The following HK2 variants were observed in gnomAD, a reference collection of about 807,000 sequenced individuals.
HK2 encodes hexokinase-2.
HK2 carries 42 observed loss-of-function variants against 92.9 expected under a neutral mutation model. That is an observed-to-expected ratio of 0.45 (90% CI 0.35 to 0.58). The LOEUF is 0.58. Ranked by LOEUF, HK2 falls within the 20% of genes least tolerant of loss-of-function variation. The pLI is 0.00. For synonymous variants in HK2, 422 were observed against 468.0 expected (o/e 0.90, Z 1.27); for missense variants, 978 against 1,245.1 (o/e 0.79, Z 3.23).
intron 7 of HK2, among the ~76,000 whole-genome samples, chr2:74,875,326 C>CTT (rs1689200062): frequency 9.9e-6 from 1 of 100,600 alleles, no homozygotes; most frequent in African/African-American, 3.9e-5. Context: ...TCCTTGCTTT[C>CTT]GTTTTTTTTT....
At chr2:74,864,865 C>T (rs567162066) in intron 2 of HK2, among the ~76,000 whole-genome samples, 4 of 152,308 alleles carry the variant, frequency 2.6e-5, no homozygotes, top group South Asian at 2.1e-4. Context: ...GCATCACAAC[C>T]GCTGGGAGAT....
rs562137282 is a variant in HK2 at position 74,853,874 on chromosome 2, C to T, written c.64-419C>T. Among the ~76,000 whole-genome samples, 22 of 151,970 alleles carry T rather than the reference C, an allele frequency of 1.4e-4. 1 individual carries two copies. The East Asian group carries it at 2.5e-3, about 17-fold the overall frequency. On this transcript the variant is annotated intron_variant, in intron 1 of 17. Coordinates refer to ENST00000290573, the MANE Select transcript of HK2 (RefSeq NM_000189.5). ...AGCGGAACTGGGGATTGTAGGCGTC[C>T]GGGAAAAAGGTGATGGCTACCTGGC... is the stretch of plus-strand genomic sequence containing the variant.
At chr2:74,860,845 A>T (rs1359329623) in intron 2 of HK2, among the ~76,000 whole-genome samples, 1 of 152,122 alleles carries the variant, frequency 6.6e-6, no homozygotes, top group Admixed American at 6.6e-5. Context: ...AACCATTTAT[A>T]CTCCCACTAA....
chr2:74,851,395 C>T (rs1426008118), intron 1 of HK2, among the ~76,000 whole-genome samples: 2 of 152,208 alleles, frequency 1.3e-5, no homozygotes, highest in African/African-American at 2.4e-5. Context: ...ATCTATGGGG[C>T]AAAAGGCAAC....
chr2:74,839,359 C>T (rs1476571056), intron 1 of HK2, among the ~76,000 whole-genome samples: 1 of 152,106 alleles, frequency 6.6e-6, no homozygotes, highest in Non-Finnish European at 1.5e-5. Flanking sequence ...ATTAGAGTAT[C>T]AAGAGTAAAT....
chr2:74,883,178 G>A (rs779636255), intron 12 of HK2, among the ~76,000 whole-genome samples: 3 of 152,156 alleles, frequency 2.0e-5, no homozygotes, highest in African/African-American at 7.2e-5. Context: ...GCACGCTGCC[G>A]GTGTGTGGTA....
At chr2:74,878,559 G>A (rs1389620675) in intron 8 of HK2, 129 bp from the exon 9 acceptor site, 1 of 777,502 alleles carries the variant, frequency 1.3e-6, no homozygotes, top group African/African-American at 1.7e-5. Flanking sequence ...ACTAAGCAAT[G>A]AAGAGGGATT....
At chr2:74,884,089 A>T (rs1415263329) in intron 12 of HK2, among the ~76,000 whole-genome samples, 3 of 152,250 alleles carry the variant, frequency 2.0e-5, no homozygotes, top group African/African-American at 7.2e-5. Flanking sequence ...ATACTATCTT[A>T]ACTTTTCATG....
chr2:74,887,802 G>C (rs910282987), intron 15 of HK2, 101 bp from the exon 16 acceptor site: 20 of 1,048,650 alleles, frequency 1.9e-5, no homozygotes, highest in Non-Finnish European at 3.0e-5. Context: ...CTGCCTGTCT[G>C]CCACTGCTGA....
rs1156872872 is a variant in HK2, at chr2:74,891,318, AG to A, written c.*378del. On this transcript the variant is annotated 3_prime_UTR_variant, in exon 18 of 18. Transcript: ENST00000290573. The stretch of plus-strand genomic sequence containing the variant: ...TTGGAGCCTGAACATGACATTTCTA[AG>A]TGGGGTGCATCCCCCAGCACTGATG... 3.1e-6 allele frequency: 1 copy of A among 324,000 alleles called. No individual in the cohort carries two copies. Among genetic ancestry groups the A allele is most frequent in the African/African-American group, 2.2e-5 (1 of 46,220 alleles). The allele number at this position is 324,000 out of a possible 1,614,324, so 20.1% of individuals were successfully genotyped here. A position where few individuals can be genotyped will look rare whatever the true frequency, so the allele number is the denominator to read the frequency against.
At chr2:74,835,057 G>T (rs1177206112) in intron 1 of HK2, 1 of 274,324 alleles carries the variant, frequency 3.6e-6, no homozygotes, top group Non-Finnish European at 7.1e-6. Flanking sequence ...AGGCTGCTCC[G>T]CTGCCGCGTG....
At chr2:74,875,526 A>G (rs1380548638) in intron 7 of HK2, among the ~76,000 whole-genome samples, 1 of 151,930 alleles carries the variant, frequency 6.6e-6, no homozygotes, top group Non-Finnish European at 1.5e-5. Flanking sequence ...ACAGGGTTTC[A>G]CCATGCTGGC....
Position 74,834,629 on chromosome 2 carries a change from G to C in HK2, c.49G>C (p.Asp17His). 1.2e-6 allele frequency: 2 copies of C among 1,613,956 alleles called. No individual in the cohort carries two copies. Among genetic ancestry groups the C allele is most frequent in the African/African-American group, 1.3e-5 (1 of 75,048 alleles). ...LAYFFTELNH[D>H]QVQKVDQYLY... ...CTACTTCTTCACGGAGCTCAACCAT[G>C]ACCAAGTGCAGAAGGTAAGTCAGCG... Residue 17 changes from aspartate (D) to histidine (H), a missense_variant, in exon 1 of 18, where the codon GAC becomes CAC. Transcript: ENST00000290573. The surrounding 1 kb of genome is among the most constrained non-coding windows in gnomAD (Gnocchi z 4.2).
chr2:74,843,451 C>A (rs1688363917), intron 1 of HK2, among the ~76,000 whole-genome samples: 1 of 152,192 alleles, frequency 6.6e-6, no homozygotes, highest in South Asian at 2.1e-4. Flanking sequence ...CCCTAAAATG[C>A]TGCCCTCTTT....
At position 74,878,892 on chromosome 2, in the gene HK2, C is replaced by G; in HGVS notation, c.1236C>G (p.Val412=). The change falls in exon 9 of 18, where the codon GTC becomes GTG. Residue 412 remains valine, a synonymous_variant. Coordinates refer to ENST00000290573, the MANE Select transcript of HK2 (RefSeq NM_000189.5). The part of the protein sequence containing the change: ...GEERLRSTIG[V]DGSVYKKHPH... ...AGCGGCTGCGCTCTACTATTGGGGT[C>G]GACGGTTCCGTCTACAAGAAACACC... The G allele has an allele frequency of 6.4e-7, 1 of 1,551,468 alleles. No individual in the cohort carries two copies. The highest frequency in any genetic ancestry group is 8.7e-7 in the Non-Finnish European group (1 of 1,147,038).
intron 2 of HK2, among the ~76,000 whole-genome samples, chr2:74,861,310 AC>A (rs964172745): frequency 2.0e-5 from 3 of 152,074 alleles, no homozygotes; most frequent in African/African-American, 7.2e-5. Context: ...AATCCCAGCT[AC>A]TGGGGGGCTG....
At position 74,840,803 on chromosome 2, in the gene HK2, C is replaced by T. The variant is rs562694310; in HGVS notation, c.63+6160C>T. ...CTGAGGCAGGAGAATCAGTTGAGCC[C>T]GGGAGGTGGAGCTTGCAGTGAGCTG... On this transcript the variant is annotated intron_variant, in intron 1 of 17. Transcript: ENST00000290573. Among the ~76,000 whole-genome samples, 503 of 145,164 alleles carry T rather than the reference C, an allele frequency of 3.5e-3. 2 individuals are homozygous for T. Among genetic ancestry groups the T allele is most frequent in the African/African-American group, 0.012 (459 of 37,958 alleles).
intron 1 of HK2, among the ~76,000 whole-genome samples, chr2:74,839,225 T>C (rs1688245437): frequency 6.6e-6 from 1 of 152,152 alleles, no homozygotes; most frequent in African/African-American, 2.4e-5. Flanking sequence ...TTTTCAGTTG[T>C]CTAGAGAGAT....
At chr2:74,881,228 G>A (rs1216282942) in intron 10 of HK2, among the ~76,000 whole-genome samples, 1 of 152,238 alleles carries the variant, frequency 6.6e-6, no homozygotes, top group East Asian at 1.9e-4. Context: ...GACCCCTGCT[G>A]TAAGTCTTGT....
Sources: gnomAD v4.1 joint callset for allele counts (sites outside exome capture counted in the v4.1 genomes callset) on GRCh38, gnomAD v4.1.1 for gene constraint, Gnocchi (gnomAD v3.1) non-coding constraint, MANE v1.5 for transcripts, NCBI Gene and HGNC (gene_info 2026-07-23, HGNC 2026-07-21) for gene names.